The following KAZN variants were observed in gnomAD, a reference collection of about 807,000 sequenced individuals.
KAZN encodes kazrin, periplakin interacting protein.
Under a neutral mutation model 87.4 loss-of-function variants are expected in KAZN, and 40 were observed. The observed-to-expected ratio is 0.46, with a 90% CI of 0.36 to 0.60. The LOEUF is 0.60. Among genes scored for constraint, KAZN ranks in the 20% least tolerant of loss-of-function variants. The pLI is 0.00. For missense variants in KAZN, 898 were observed against 1,073.9 expected, an observed-to-expected ratio of 0.84 and a Z score of 2.29; for synonymous variants, 466 against 458.3, an observed-to-expected ratio of 1.02 and a Z score of -0.22.
At chr1:13,968,088 A>G (rs1235897651) in intron 1 of KAZN, among the ~76,000 whole-genome samples, 1 of 152,154 alleles carries the variant, frequency 6.6e-6, no homozygotes, top group Admixed American at 6.5e-5. Flanking sequence ...GGAAATGGCT[A>G]GTTTGAGAGC....
intron 1 of KAZN, among the ~76,000 whole-genome samples, chr1:14,772,526 A>G (rs1167409609): frequency 2.2e-4 from 2 of 9,100 alleles, no homozygotes; most frequent in East Asian, 0.011. Context: ...ATAGATTGAG[A>G]AAAAAAAAAA....
At chr1:14,706,475 C>T (rs1031813906) in intron 1 of KAZN, among the ~76,000 whole-genome samples, 2 of 151,424 alleles carry the variant, frequency 1.3e-5, no homozygotes, top group African/African-American at 4.9e-5. Context: ...AGAAAGAAGA[C>T]ATTGAATGTT....
intron 2 of KAZN, among the ~76,000 whole-genome samples, chr1:14,560,114 C>T (rs1166789514): frequency 6.6e-6 from 1 of 152,188 alleles, no homozygotes; most frequent in Non-Finnish European, 1.5e-5. Flanking sequence ...AACATTCCCA[C>T]TGTCCTTTCT....
intron 2 of KAZN, among the ~76,000 whole-genome samples, chr1:14,397,977 A>G (rs1394176399): frequency 6.6e-6 from 1 of 152,182 alleles, no homozygotes; most frequent in African/African-American, 2.4e-5. Context: ...ATGGAGCCAA[A>G]ATACCTCAGT....
chr1:14,609,674 G>A (rs1677659986), intron 1 of KAZN, among the ~76,000 whole-genome samples: 1 of 152,188 alleles, frequency 6.6e-6, no homozygotes, highest in Non-Finnish European at 1.5e-5. Flanking sequence ...GAAGGTTCCT[G>A]GGAAGCGCTA....
intron 1 of KAZN, among the ~76,000 whole-genome samples, chr1:14,739,145 T>C (rs912573897): frequency 1.3e-5 from 2 of 152,162 alleles, no homozygotes; most frequent in African/African-American, 4.8e-5. Context: ...ACCACGGCAC[T>C]CCAGCATGGG....
chr1:14,693,156 G>T (rs1483403690), intron 1 of KAZN, among the ~76,000 whole-genome samples: 1 of 152,150 alleles, frequency 6.6e-6, no homozygotes, highest in East Asian at 1.9e-4. Flanking sequence ...AGGGACAGTG[G>T]TCCTCAAGGT....
chr1:14,133,990 A>C (rs1645052517), intron 1 of KAZN, among the ~76,000 whole-genome samples: 1 of 152,214 alleles, frequency 6.6e-6, no homozygotes, highest in Non-Finnish European at 1.5e-5. Flanking sequence ...CTTCTGCCAC[A>C]AAATGAATCC....
At chr1:13,942,628 A>G (rs1472003666) in intron 1 of KAZN, among the ~76,000 whole-genome samples, 1 of 151,878 alleles carries the variant, frequency 6.6e-6, no homozygotes, top group Non-Finnish European at 1.5e-5. Flanking sequence ...TTCATACACA[A>G]TCTCTGGGAT....
At chr1:14,270,312 A>G (rs1651820992) in intron 2 of KAZN, among the ~76,000 whole-genome samples, 1 of 152,238 alleles carries the variant, frequency 6.6e-6, no homozygotes, top group Non-Finnish European at 1.5e-5. Flanking sequence ...GACATCTCCA[A>G]GGAAAAGTAG....
chr1:13,998,865 C>A (rs12125380), intron 1 of KAZN, among the ~76,000 whole-genome samples: 22,112 of 152,156 alleles, frequency 0.15, 1,718 homozygotes, highest in Middle Eastern at 0.22. Context: ...ATCAAGCAGA[C>A]CTTGTAGATG....
upstream of KAZN, among the ~76,000 whole-genome samples, chr1:14,596,005 T>G (rs575827188): frequency 6.6e-6 from 1 of 152,298 alleles, no homozygotes; most frequent in African/African-American, 2.4e-5. Context: ...CTTATTAGAT[T>G]TTTTTGTTTT....
chr1:14,602,141 C>T (rs1356729477), intron 1 of KAZN, among the ~76,000 whole-genome samples: 1 of 152,068 alleles, frequency 6.6e-6, no homozygotes, highest in Non-Finnish European at 1.5e-5. Flanking sequence ...GTTTTCCTAG[C>T]GGGTTAATGC....
In KAZN at chr1:15,005,635, A is replaced by T. The variant is rs1044602494; in HGVS notation, c.419-29114A>T. Among the ~76,000 whole-genome samples, 11 of 152,254 alleles carry T rather than the reference A, an allele frequency of 7.2e-5. No individual in the cohort carries two copies. In the East Asian group the frequency reaches 1.4e-3, roughly 19 times the overall value. On this transcript the variant is annotated intron_variant, in intron 2 of 14. Transcript: ENST00000376030. ...ACCCCATCTCTACTAAAAATATTTT[A>T]AAAATAACTAGACATAGTGGCACAC... is the stretch of plus-strand genomic sequence containing the variant.
intron 1 of KAZN, among the ~76,000 whole-genome samples, chr1:13,963,756 G>GGTGTGTGTGTGTGT (rs1185808187): frequency 3.4e-5 from 4 of 117,040 alleles, no homozygotes; most frequent in Non-Finnish European, 5.2e-5. Context: ...TTTCTGCTGT[G>GGTGTGTGTGTGTGT]GTCTGTGTGT....
chr1:14,292,051 C>A (rs1324639761), intron 2 of KAZN, among the ~76,000 whole-genome samples: 1 of 152,118 alleles, frequency 6.6e-6, no homozygotes, highest in African/African-American at 2.4e-5. Context: ...CTAATACAGA[C>A]CCCCTGTAAT....
At chr1:14,778,480 C>G (rs935180804) in intron 1 of KAZN, among the ~76,000 whole-genome samples, 1 of 152,052 alleles carries the variant, frequency 6.6e-6, no homozygotes, top group Non-Finnish European at 1.5e-5. Flanking sequence ...CCCGTCAGGG[C>G]AGGGAACTCA....
chr1:14,201,199 G>A (rs1293845378), intron 2 of KAZN, among the ~76,000 whole-genome samples: 2 of 152,138 alleles, frequency 1.3e-5, no homozygotes, highest in African/African-American at 4.8e-5. Flanking sequence ...CATTTTTAAT[G>A]TTCATTATTT....
chr1:14,251,788 A>C (rs1650067724), intron 2 of KAZN, among the ~76,000 whole-genome samples: 1 of 151,502 alleles, frequency 6.6e-6, no homozygotes, highest in Non-Finnish European at 1.5e-5. Context: ...AGCTGGGACT[A>C]CAGATGCATG....
Sources: allele counts gnomAD v4.1 joint callset (sites outside exome capture counted in the v4.1 genomes callset), GRCh38; gene constraint gnomAD v4.1.1; transcripts MANE v1.5; gene names NCBI Gene and HGNC (gene_info 2026-07-23, HGNC 2026-07-21).